MALT1: variants seen among roughly 807,000 people sequenced by gnomAD.
The protein encoded by MALT1 is mucosa-associated lymphoid tissue lymphoma translocation protein 1.
MALT1 carries 36 observed loss-of-function variants against 85.5 expected under a neutral mutation model. That is an observed-to-expected ratio of 0.42 (90% CI 0.32 to 0.56). The LOEUF is 0.56. Among genes scored for constraint, MALT1 ranks in the 20% least tolerant of loss-of-function variants. MALT1 has a pLI of 0.10. For missense variants in MALT1, 716 were observed against 981.6 expected (o/e 0.73, Z 3.62); for synonymous variants, 359 against 361.3 (o/e 0.99, Z 0.07).
At chr18:58,734,272 A>G in intron 11 of MALT1, 35 bp from the exon 12 acceptor site, 1 of 1,439,000 alleles carries the variant, frequency 6.9e-7, no homozygotes, top group Non-Finnish European at 9.8e-7. Flanking sequence ...AACTTTTCAT[A>G]TTTCTATCTG....
chr18:58,672,153 GGAT>G (rs1176349077), intron 1 of MALT1: 2 of 277,252 alleles, frequency 7.2e-6, no homozygotes, highest in Non-Finnish European at 1.3e-5. Flanking sequence ...TGACCCCGGA[GGAT>G]AGTGAGAGAA....
At chr18:58,703,692 T>C (rs1453908534) in intron 4 of MALT1, among the ~76,000 whole-genome samples, 2 of 152,134 alleles carry the variant, frequency 1.3e-5, no homozygotes, top group African/African-American at 2.4e-5. Context: ...ATCCAATCGC[T>C]TCCCACCAGG....
In MALT1 at chr18:58,750,206, T is replaced by G. The variant is rs1287309615; in HGVS notation, c.*2364T>G. 1 of 173,308 alleles carries G rather than the reference T, an allele frequency of 5.8e-6. No homozygotes were observed. Among genetic ancestry groups the G allele is most frequent in the Admixed American group, 6.4e-5 (1 of 15,722 alleles). 10.7% of individuals were successfully genotyped at this position (173,308 alleles called of 1,614,324 possible). ...CATTCTGAAAATGAGAATAAAGAAA[T>G]CCTATATACAGTAGCATCAAGAATA... On this transcript the variant is annotated 3_prime_UTR_variant, in exon 17 of 17. Transcript: ENST00000649217.
intron 10 of MALT1, among the ~76,000 whole-genome samples, chr18:58,724,630 C>T (rs965131402): frequency 2.0e-5 from 3 of 152,032 alleles, no homozygotes; most frequent in African/African-American, 7.3e-5. Context: ...CATGAGGGGT[C>T]GCAGTTAAAA....
intron 4 of MALT1, among the ~76,000 whole-genome samples, chr18:58,706,073 C>T (rs970323079): frequency 6.6e-6 from 1 of 152,180 alleles, no homozygotes; most frequent in Non-Finnish European, 1.5e-5. Flanking sequence ...GCAAGCTCTG[C>T]CTCCTGAGTT....
At chr18:58,733,172 A>G (rs1051172808) in intron 10 of MALT1, among the ~76,000 whole-genome samples, 1 of 152,144 alleles carries the variant, frequency 6.6e-6, no homozygotes, top group Non-Finnish European at 1.5e-5. Flanking sequence ...CGGCCTCCCA[A>G]AGTGCTGGGA....
intron 4 of MALT1, among the ~76,000 whole-genome samples, chr18:58,706,815 T>G (rs1001519425): frequency 1.3e-5 from 2 of 152,244 alleles, no homozygotes; most frequent in Non-Finnish European, 1.5e-5. Flanking sequence ...TTGTTTATCA[T>G]GGAAATTTAT....
At position 58,671,518 on chromosome 18, in the gene MALT1, G is replaced by A. The variant is rs541201464; in HGVS notation, c.-126G>A. ...AGCTTCCTCCTCTGAGGGCCGTGCC[G>A]CGCTGCCAGATTTGTTCTTCCGCCC... On this transcript the variant is annotated 5_prime_UTR_variant, in exon 1 of 17. Coordinates refer to ENST00000649217, the MANE Select transcript of MALT1 (RefSeq NM_006785.4). 30 of 538,638 alleles carry A rather than the reference G, an allele frequency of 5.6e-5. No homozygotes were observed. Among genetic ancestry groups the A allele is most frequent in the Middle Eastern group, 5.6e-4 (1 of 1,780 alleles). 33.4% of individuals were successfully genotyped at this position (538,638 alleles called of 1,614,324 possible).
intron 3 of MALT1, among the ~76,000 whole-genome samples, chr18:58,699,837 G>A (rs2054645654): frequency 6.6e-6 from 1 of 152,214 alleles, no homozygotes; most frequent in Admixed American, 6.5e-5. Flanking sequence ...ATTGGAGGTG[G>A]GGACTGTGGA....
chr18:58,711,812 A>T (rs948174696), intron 7 of MALT1, among the ~76,000 whole-genome samples: 1 of 152,330 alleles, frequency 6.6e-6, no homozygotes, highest in Non-Finnish European at 1.5e-5. Context: ...CTGAAATACT[A>T]TAATTACTGT....
chr18:58,733,684 T>G, intron 11 of MALT1, 110 bp downstream of exon 11: 1 of 926,182 alleles, frequency 1.1e-6, no homozygotes, highest in Admixed American at 3.0e-5. Context: ...AATTTTAGTT[T>G]ATACATTGAA....
At chr18:58,706,134 C>T (rs886111283) in intron 4 of MALT1, among the ~76,000 whole-genome samples, 1 of 151,782 alleles carries the variant, frequency 6.6e-6, no homozygotes, top group Non-Finnish European at 1.5e-5. Context: ...TACAGGCGCC[C>T]GCCACCACGC....
chr18:58,682,119 C>G (rs1427229309), intron 2 of MALT1, among the ~76,000 whole-genome samples: 7 of 152,164 alleles, frequency 4.6e-5, no homozygotes, highest in African/African-American at 1.7e-4. Context: ...CTTGGAAAGA[C>G]AAAGGACCTG....
In MALT1 at chr18:58,750,980, A is replaced by C. The variant is rs541240698; in HGVS notation, c.*3138A>C. On this transcript the variant is annotated 3_prime_UTR_variant, in exon 17 of 17. Coordinates refer to ENST00000649217, the MANE Select transcript of MALT1 (RefSeq NM_006785.4). ...TTTGAAAAATCATGTATCTGATAAAAAAACAAACAAACATGCAGGTGCTCA... is the reference window on the plus strand; with the variant it reads ...TTTGAAAAATCATGTATCTGATAAACAAACAAACAAACATGCAGGTGCTCA... 3.9e-5 allele frequency: 6 copies of C among 152,328 alleles called. No individual in the cohort carries two copies. Among genetic ancestry groups the C allele is most frequent in the African/African-American group, 1.2e-4 (5 of 41,566 alleles). The allele number at this position is 152,328 out of a possible 1,614,324, so 9.4% of individuals were successfully genotyped here. A position where few individuals can be genotyped will look rare whatever the true frequency, so the allele number is the denominator to read the frequency against.
chr18:58,718,357 C>A (rs1039314894), intron 9 of MALT1, among the ~76,000 whole-genome samples: 1 of 152,204 alleles, frequency 6.6e-6, no homozygotes, highest in African/African-American at 2.4e-5. Context: ...GCATCCCCCA[C>A]CCCCAGGCTG....
intron 4 of MALT1, among the ~76,000 whole-genome samples, chr18:58,707,318 A>G (rs1224542014): frequency 6.7e-6 from 1 of 149,942 alleles, no homozygotes; most frequent in South Asian, 2.1e-4. Flanking sequence ...GTGAGTCTCT[A>G]TCTGATAATT....
At chr18:58,727,888 A>G (rs1431698740) in intron 10 of MALT1, among the ~76,000 whole-genome samples, 1 of 152,118 alleles carries the variant, frequency 6.6e-6, no homozygotes, top group Admixed American at 6.5e-5. Context: ...CATCTGTAAA[A>G]GAGGGATGTT....
intron 10 of MALT1, among the ~76,000 whole-genome samples, chr18:58,729,323 C>T (rs1272197767): frequency 6.6e-6 from 1 of 151,840 alleles, no homozygotes; most frequent in Non-Finnish European, 1.5e-5. Flanking sequence ...AACCCTGTCT[C>T]TACTAAAAAT....
At chr18:58,684,056 C>A (rs750239781) in intron 2 of MALT1, among the ~76,000 whole-genome samples, 1 of 152,152 alleles carries the variant, frequency 6.6e-6, no homozygotes, top group Non-Finnish European at 1.5e-5. Context: ...CCTCAGCCTC[C>A]TGAGTAGCTG....
Sources: allele counts gnomAD v4.1 joint callset (sites outside exome capture counted in the v4.1 genomes callset), GRCh38; gene constraint gnomAD v4.1.1; transcripts MANE v1.5; gene names NCBI Gene and HGNC (gene_info 2026-07-23, HGNC 2026-07-21).